Variants in TMEM161B observed in about 807,000 individuals in gnomAD.
The protein encoded by TMEM161B is transmembrane protein 161B.
Under a neutral mutation model 61.8 loss-of-function variants are expected in TMEM161B, and 34 were observed. The observed-to-expected ratio is 0.55, with a 90% CI of 0.42 to 0.73. The LOEUF is 0.73. Ranked by LOEUF, TMEM161B falls within the 30% of genes least tolerant of loss-of-function variation. The pLI, the probability that TMEM161B is intolerant of heterozygous loss-of-function variation, is 0.00. For missense variants in TMEM161B, 456 were observed against 558.5 expected, an observed-to-expected ratio of 0.82 and a Z score of 1.85; for synonymous variants, 167 against 192.8, an observed-to-expected ratio of 0.87 and a Z score of 1.11.
intron 5 of TMEM161B, among the ~76,000 whole-genome samples, chr5:88,217,914 A>T (rs1748200880): frequency 6.6e-6 from 1 of 152,044 alleles, no homozygotes; most frequent in East Asian, 1.9e-4. Context: ...AGAAAAAAAA[A>T]AAAAAACCTT....
At chr5:88,220,055 C>T (rs1748633191) in intron 5 of TMEM161B, among the ~76,000 whole-genome samples, 1 of 151,410 alleles carries the variant, frequency 6.6e-6, no homozygotes. Flanking sequence ...TGGAAGTTTA[C>T]AGTTTCCACA....
chr5:88,205,367 A>G (rs1356031767), intron 8 of TMEM161B, among the ~76,000 whole-genome samples: 1 of 152,050 alleles, frequency 6.6e-6, no homozygotes, highest in Non-Finnish European at 1.5e-5. Flanking sequence ...GAAAACAAAC[A>G]CCTCTTACAT....
At chr5:88,216,018 G>A (rs1408627438) in intron 5 of TMEM161B, among the ~76,000 whole-genome samples, 1 of 152,170 alleles carries the variant, frequency 6.6e-6, no homozygotes, top group Non-Finnish European at 1.5e-5. Context: ...AGTGTTTTGG[G>A]AAGCCGAGAC....
intron 1 of TMEM161B, among the ~76,000 whole-genome samples, chr5:88,244,863 T>C (rs910620711): frequency 1.3e-5 from 2 of 151,864 alleles, no homozygotes; most frequent in African/African-American, 2.4e-5. Context: ...TTCACCTCCT[T>C]AGTTAGCTGT....
In TMEM161B at chr5:88,197,861, T is replaced by G. The variant is rs928745619; in HGVS notation, c.1090-96A>C. ...TTGCCATACCAAAATACTTAAGAGA[T>G]AATCCTTTCACAAGAAGGAAGCTAA... On this transcript the variant is annotated intron_variant, in intron 10 of 11. Coordinates refer to ENST00000296595, the MANE Select transcript of TMEM161B (RefSeq NM_153354.5). The G allele has an allele frequency of 3.1e-6, 3 of 968,286 alleles. No homozygotes were observed. In the African/African-American group the frequency reaches 5.0e-5, roughly 16 times the overall value. The allele number at this position is 968,286 out of a possible 1,614,324, so 60.0% of individuals were successfully genotyped here.
intron 9 of TMEM161B, chr5:88,199,782 C>G (rs767250830): frequency 6.6e-6 from 1 of 152,080 alleles, no homozygotes; most frequent in East Asian, 1.9e-4. Flanking sequence ...AGAAACCAGA[C>G]CACTGATGAG....
intron 5 of TMEM161B, among the ~76,000 whole-genome samples, chr5:88,216,015 T>G (rs33711): frequency 0.54 from 81,852 of 152,066 alleles, 24,816 homozygotes; most frequent in East Asian, 0.78. Flanking sequence ...CCTAGTGTTT[T>G]GGGAAGCCGA....
At chr5:88,193,173 A>G (rs553070661), downstream of TMEM161B, among the ~76,000 whole-genome samples, 23 of 152,258 alleles carry the variant, frequency 1.5e-4, no homozygotes, top group Admixed American at 8.5e-4. Flanking sequence ...AGACAAATCA[A>G]TGGGGGTAGG....
intron 1 of TMEM161B, among the ~76,000 whole-genome samples, chr5:88,264,098 G>T (rs1756040284): frequency 1.3e-5 from 2 of 151,702 alleles, no homozygotes; most frequent in South Asian, 4.2e-4. Flanking sequence ...TCTAGTAGGG[G>T]TTTAAGGTCC....
intron 4 of TMEM161B, chr5:88,221,615 C>T: frequency 2.3e-6 from 1 of 437,018 alleles, no homozygotes; most frequent in South Asian, 1.6e-5. Flanking sequence ...CAAACTATTC[C>T]ATTCTTAAGA....
chr5:88,208,482 C>CAA (rs796541470), intron 5 of TMEM161B, among the ~76,000 whole-genome samples: 4 of 114,790 alleles, frequency 3.5e-5, no homozygotes, highest in African/African-American at 1.3e-4. Context: ...ACTCCGTCTC[C>CAA]AAAAAAAAAA....
chr5:88,198,815 G>C, intron 10 of TMEM161B, 161 bp downstream of exon 10: 1 of 678,806 alleles, frequency 1.5e-6, no homozygotes, highest in Non-Finnish European at 2.4e-6. Flanking sequence ...ACCAAAATCA[G>C]ATCAAGGTCT....
intron 1 of TMEM161B, among the ~76,000 whole-genome samples, chr5:88,261,692 T>A (rs1755702893): frequency 1.5e-5 from 2 of 130,372 alleles, no homozygotes; most frequent in Non-Finnish European, 1.6e-5. Context: ...ACAAACAAAT[T>A]TCACCAAATG....
At chr5:88,222,464 C>T (rs1330944900) in intron 4 of TMEM161B, among the ~76,000 whole-genome samples, 1 of 152,038 alleles carries the variant, frequency 6.6e-6, no homozygotes, top group Non-Finnish European at 1.5e-5. Context: ...TCAATCCCTT[C>T]CCCCTGCTAA....
chr5:88,196,610 T>C lies in TMEM161B; in HGVS notation c.1187-122A>G, dbSNP rs185324140. On this transcript the variant is annotated intron_variant, in intron 11 of 11. Transcript: ENST00000296595. ...TTTAGTGGCACAGTACATCATTTTA[T>C]GTTAAAAATAAAGTAAAATAATAAT... 7.6e-5 allele frequency: 78 copies of C among 1,022,438 alleles called. 1 individual carries two copies. In the East Asian group the frequency reaches 2.1e-3, roughly 27 times the overall value. 63.3% of individuals were successfully genotyped at this position (1,022,438 alleles called of 1,614,324 possible).
At chr5:88,266,406 G>A (rs144506283) in intron 1 of TMEM161B, among the ~76,000 whole-genome samples, 1 of 152,216 alleles carries the variant, frequency 6.6e-6, no homozygotes, top group African/African-American at 2.4e-5. Flanking sequence ...AGCCAAAATG[G>A]CATGGAAACA....
At chr5:88,219,481 A>G (rs1463465422) in intron 5 of TMEM161B, among the ~76,000 whole-genome samples, 5 of 152,202 alleles carry the variant, frequency 3.3e-5, no homozygotes, top group East Asian at 3.9e-4. Context: ...AATAAAAATA[A>G]GAAAACAAAA....
intron 4 of TMEM161B, among the ~76,000 whole-genome samples, chr5:88,222,974 T>C (rs927706178): frequency 4.6e-5 from 7 of 151,956 alleles, no homozygotes; most frequent in East Asian, 1.9e-4. Flanking sequence ...TATAAACATA[T>C]ATGAACATCT....
At chr5:88,266,875 A>T (rs974791821) in intron 1 of TMEM161B, among the ~76,000 whole-genome samples, 1 of 152,240 alleles carries the variant, frequency 6.6e-6, no homozygotes, top group Non-Finnish European at 1.5e-5. Context: ...CACTTCCAGA[A>T]GGAAAAGAGC....
Sources: allele counts gnomAD v4.1 joint callset (sites outside exome capture counted in the v4.1 genomes callset), GRCh38; gene constraint gnomAD v4.1.1; transcripts MANE v1.5; gene names NCBI Gene and HGNC (gene_info 2026-07-23, HGNC 2026-07-21).